MDGA2: variants seen among roughly 807,000 people sequenced by gnomAD.
MDGA2 encodes the protein MAM domain containing glycosylphosphatidylinositol anchor 2, also known as MAM domain-containing glycosylphosphatidylinositol anchor protein 2.
A neutral mutation model predicts 117.8 loss-of-function variants in MDGA2; 40 were observed. The ratio of observed to expected loss-of-function variants is 0.34; its 90% CI spans 0.26 to 0.44. The LOEUF (loss-of-function observed/expected upper bound fraction) is 0.44, where lower values mean the gene tolerates loss of function less well. MDGA2 is among the 20% of genes least tolerant of loss of function. MDGA2 has a pLI of 1.00. For missense variants in MDGA2, 1,123 were observed against 1,250.6 expected (o/e 0.90, Z 1.54); for synonymous variants, 452 against 439.0 (o/e 1.03, Z -0.37).
intron 1 of MDGA2, among the ~76,000 whole-genome samples, chr14:47,592,059 C>T (rs1050057196): frequency 6.6e-5 from 10 of 152,084 alleles, no homozygotes; most frequent in African/African-American, 1.9e-4. Context: ...GAAAAAAAAT[C>T]GATGTGCAAA....
At chr14:47,280,022 T>G (rs577027586) in intron 2 of MDGA2, among the ~76,000 whole-genome samples, 1 of 151,706 alleles carries the variant, frequency 6.6e-6, no homozygotes, top group Admixed American at 6.6e-5. Context: ...TTAATAGATA[T>G]TGTCAGGCCA....
intron 1 of MDGA2, among the ~76,000 whole-genome samples, chr14:47,545,698 A>G (rs1179624666): frequency 6.6e-6 from 1 of 152,208 alleles, no homozygotes; most frequent in East Asian, 1.9e-4. Flanking sequence ...GTCAAAGGAA[A>G]AAAGAAGCTG....
chr14:47,168,827 G>A (rs1372458264), intron 3 of MDGA2, among the ~76,000 whole-genome samples: 1 of 152,018 alleles, frequency 6.6e-6, no homozygotes, highest in Non-Finnish European at 1.5e-5. Context: ...AAGAAATTCT[G>A]CCTTCAAGAC....
chr14:47,187,871 A>G (rs965948650), intron 3 of MDGA2, among the ~76,000 whole-genome samples: 8 of 152,016 alleles, frequency 5.3e-5, no homozygotes, highest in African/African-American at 1.9e-4. Context: ...GGAAGGGTAC[A>G]TCGGGGATTT....
intron 1 of MDGA2, among the ~76,000 whole-genome samples, chr14:47,624,465 TAAACAAACAAAC>T (rs1246156497): frequency 1.3e-5 from 2 of 152,014 alleles, no homozygotes; most frequent in African/African-American, 4.8e-5. Flanking sequence ...CTCAAATAAG[TAAACAAACAAAC>T]AAACAAATAA....
At chr14:47,099,886 C>A (rs572287622) in intron 5 of MDGA2, among the ~76,000 whole-genome samples, 17 of 152,080 alleles carry the variant, frequency 1.1e-4, no homozygotes, top group Admixed American at 3.9e-4. Flanking sequence ...AAAGTGTTTT[C>A]TTTTATCATT....
At chr14:47,441,654 A>C (rs574768830) in intron 1 of MDGA2, among the ~76,000 whole-genome samples, 1 of 152,302 alleles carries the variant, frequency 6.6e-6, no homozygotes, top group South Asian at 2.1e-4. Flanking sequence ...CAGTTTTTTG[A>C]AAATCAGATT....
intron 3 of MDGA2, among the ~76,000 whole-genome samples, chr14:47,207,085 G>C (rs1012237924): frequency 6.6e-6 from 1 of 151,934 alleles, no homozygotes; most frequent in African/African-American, 2.4e-5. Flanking sequence ...CCCTAAGTTT[G>C]TCACTGAGTT....
chr14:47,321,936 GCTTA>G (rs943908015), intron 1 of MDGA2, among the ~76,000 whole-genome samples: 19 of 152,058 alleles, frequency 1.2e-4, no homozygotes, highest in Non-Finnish European at 1.8e-4. Context: ...CAGTTCTGGA[GCTTA>G]CTATTTTACA....
At chr14:47,095,654 A>G (rs756673603) in intron 6 of MDGA2, among the ~76,000 whole-genome samples, 4 of 151,946 alleles carry the variant, frequency 2.6e-5, no homozygotes, top group Non-Finnish European at 5.9e-5. Context: ...ACATATAATA[A>G]ATATTGTATG....
At chr14:47,010,336 G>C (rs1265316595) in intron 8 of MDGA2, among the ~76,000 whole-genome samples, 2 of 52,188 alleles carry the variant, frequency 3.8e-5, no homozygotes, top group Non-Finnish European at 8.3e-5. Flanking sequence ...AAGGATTTAA[G>C]ATCTTAGGAA....
At chr14:47,632,763 G>T (rs564431729) in intron 1 of MDGA2, among the ~76,000 whole-genome samples, 1 of 148,384 alleles carries the variant, frequency 6.7e-6, no homozygotes, top group Non-Finnish European at 1.5e-5. Flanking sequence ...TTTTTTTTGA[G>T]GGGGGGGCTC....
At chr14:47,131,449 C>T (rs1882199843) in intron 5 of MDGA2, among the ~76,000 whole-genome samples, 1 of 151,764 alleles carries the variant, frequency 6.6e-6, no homozygotes, top group Admixed American at 6.6e-5. Flanking sequence ...GATATATGCT[C>T]GTTAGTGACA....
intron 9 of MDGA2, among the ~76,000 whole-genome samples, chr14:46,956,966 C>A (rs1011696155): frequency 2.0e-5 from 3 of 152,140 alleles, no homozygotes; most frequent in African/African-American, 7.2e-5. Context: ...GTCCTTGCTT[C>A]CCCTTTGCCT....
Position 46,920,004 on chromosome 14 carries a change from T to C in MDGA2, c.2238+8A>G. Reference sequence around the variant, plus strand: ...CAAAGAAAAAAGGACATCAGTTAGATTTCTCACCTGCCTGATGCCCAACCG... The same window carrying C: ...CAAAGAAAAAAGGACATCAGTTAGACTTCTCACCTGCCTGATGCCCAACCG... On this transcript the variant is annotated splice_region_variant and intron_variant, in intron 10 of 16. Coordinates refer to ENST00000399232, the MANE Select transcript of MDGA2 (RefSeq NM_001113498.3). 6.4e-7 allele frequency: 1 copy of C among 1,564,718 alleles called. No individual in the cohort carries two copies. The highest frequency in any genetic ancestry group is 8.6e-7 in the Non-Finnish European group (1 of 1,160,392).
chr14:47,221,702 A>AAG (rs1886308693), intron 2 of MDGA2, among the ~76,000 whole-genome samples: 2 of 151,090 alleles, frequency 1.3e-5, no homozygotes, highest in African/African-American at 4.9e-5. Context: ...AAAAAAAAAA[A>AAG]AGAGATTACG....
At chr14:47,101,545 G>A (rs1880325162) in intron 5 of MDGA2, among the ~76,000 whole-genome samples, 3 of 152,078 alleles carry the variant, frequency 2.0e-5, no homozygotes, top group African/African-American at 7.2e-5. Context: ...ATATAGACAA[G>A]GACATAGTCA....
At chr14:47,476,957 T>C (rs1467235757) in intron 1 of MDGA2, among the ~76,000 whole-genome samples, 2 of 151,508 alleles carry the variant, frequency 1.3e-5, no homozygotes, top group Non-Finnish European at 1.5e-5. Context: ...AGGTCAGGAG[T>C]TCGAGATCAG....
chr14:47,204,737 CAT>C (rs1885621552), intron 3 of MDGA2, among the ~76,000 whole-genome samples: 1 of 151,892 alleles, frequency 6.6e-6, no homozygotes, highest in Admixed American at 6.6e-5. Context: ...ATTAATAAAA[CAT>C]GTTATTTGCT....
Sources: allele counts gnomAD v4.1 joint callset (sites outside exome capture counted in the v4.1 genomes callset), GRCh38; gene constraint gnomAD v4.1.1; transcripts MANE v1.5; gene names NCBI Gene and HGNC (gene_info 2026-07-23, HGNC 2026-07-21).